The following AXL variants were observed in gnomAD, a reference collection of about 807,000 sequenced individuals.
AXL encodes the protein tyrosine-protein kinase receptor UFO.
In AXL, 52 loss-of-function variants were observed where a neutral mutation model predicts 104.5. That is an observed-to-expected ratio of 0.50 (90% CI 0.40 to 0.63). The LOEUF (loss-of-function observed/expected upper bound fraction) is 0.63, where lower values mean the gene tolerates loss of function less well. AXL is among the 20% of genes least tolerant of loss of function. AXL has a pLI of 0.00. For synonymous variants in AXL, 455 were observed against 473.7 expected, an observed-to-expected ratio of 0.96 and a Z score of 0.51; for missense variants, 1,024 against 1,188.5, an observed-to-expected ratio of 0.86 and a Z score of 2.04.
chr19:41,256,656 G>T, intron 18 of AXL, 45 bp downstream of exon 18: 2 of 1,603,240 alleles, frequency 1.2e-6, no homozygotes, highest in Non-Finnish European at 1.7e-6. Context: ...GGAGGGCATG[G>T]CCTGACCATC....
intron 14 of AXL, among the ~76,000 whole-genome samples, chr19:41,249,527 G>A (rs763276587): frequency 1.3e-5 from 2 of 151,964 alleles, no homozygotes; most frequent in Non-Finnish European, 2.9e-5. Flanking sequence ...AGGCCAAGGC[G>A]GGTGGATCAC....
chr19:41,230,282 G>A (rs1177624512), intron 4 of AXL, among the ~76,000 whole-genome samples: 1 of 151,102 alleles, frequency 6.6e-6, no homozygotes, highest in East Asian at 2.0e-4. Flanking sequence ...GTGTGAGCAT[G>A]TGTGTGTATG....
chr19:41,219,318 G>A lies in AXL; in HGVS notation c.-75G>A. ...AATCCGGGGAGCCTGGAGCTGGGGGGAGGGCCGGGGACAGCCCGGCCCTGC... is the reference window on the plus strand; with the variant it reads ...AATCCGGGGAGCCTGGAGCTGGGGGAAGGGCCGGGGACAGCCCGGCCCTGC... On this transcript the variant is annotated 5_prime_UTR_variant, in exon 1 of 20. Transcript: ENST00000301178. 2.9e-6 allele frequency: 4 copies of A among 1,389,204 alleles called. No individual in the cohort carries two copies. The highest frequency in any genetic ancestry group is 2.9e-6 in the Non-Finnish European group (3 of 1,025,496). 86.1% of individuals were successfully genotyped at this position (1,389,204 alleles called of 1,614,324 possible). A position where few individuals can be genotyped will look rare whatever the true frequency, so the allele number is the denominator to read the frequency against.
At chr19:41,248,866 C>T in intron 14 of AXL, 46 bp downstream of exon 14, 2 of 1,530,820 alleles carry the variant, frequency 1.3e-6, no homozygotes, top group Admixed American at 2.0e-5. Context: ...CTTCCCTATG[C>T]CCCTGAGACA....
intron 6 of AXL, among the ~76,000 whole-genome samples, chr19:41,236,103 G>A (rs2034073981): frequency 6.6e-6 from 1 of 151,568 alleles, no homozygotes; most frequent in Non-Finnish European, 1.5e-5. Context: ...GGCCGAGGGG[G>A]GCGGATCACT....
chr19:41,236,794 A>G (rs534601911), intron 6 of AXL, among the ~76,000 whole-genome samples: 79 of 152,120 alleles, frequency 5.2e-4, no homozygotes, highest in Non-Finnish European at 9.1e-4. Context: ...AGGAAAAAAA[A>G]AAAAAAAGAA....
chr19:41,238,551 C>T lies in AXL; in HGVS notation c.1076C>T (p.Pro359Leu). The change falls in exon 8 of 20, where the codon CCC becomes CTC. Residue 359 changes from proline to leucine, a missense_variant. Pro to Leu is a moderately conservative substitution (Grantham distance 98, BLOSUM62 -3). This residue lies in a region of AXL where 332 missense variants were observed against 343.9 expected (regional missense o/e 0.97). Transcript: ENST00000301178. ...GTGCATTGGCAAGAGCCCCGGGCGC[C>T]CCTGCAGGGTACCCTGTTAGGGTAC... ...AFVHWQEPRA[P>L]LQGTLLGYRL... 1 of 1,613,976 alleles carries T rather than the reference C, an allele frequency of 6.2e-7. No individual in the cohort carries two copies. Among genetic ancestry groups the T allele is most frequent in the Non-Finnish European group, 8.5e-7 (1 of 1,179,928 alleles).
At chr19:41,242,846 G>A in intron 10 of AXL, 37 bp from the exon 11 acceptor site, 2 of 1,612,576 alleles carry the variant, frequency 1.2e-6, no homozygotes, top group Non-Finnish European at 1.7e-6. Context: ...TGGATCCAAG[G>A]CTTCATCCAT....
chr19:41,239,789 C>G (rs2034149523), intron 10 of AXL, 69 bp downstream of exon 10: 1 of 1,566,110 alleles, frequency 6.4e-7, no homozygotes, highest in Admixed American at 1.7e-5. Flanking sequence ...TGTCACCATG[C>G]ATACTCATTG....
intron 12 of AXL, among the ~76,000 whole-genome samples, chr19:41,244,125 G>A (rs1456983647): frequency 6.6e-6 from 1 of 151,858 alleles, no homozygotes; most frequent in African/African-American, 2.4e-5. Context: ...GATCACCTGA[G>A]CCCAGGGAGG....
In AXL at chr19:41,238,567, G is replaced by A. The variant is rs2034125031; in HGVS notation, c.1092G>A (p.Leu364=). The part of the protein sequence containing the change: ...QEPRAPLQGT[L]LGYRLAYQGQ... ...CCCGGGCGCCCCTGCAGGGTACCCT[G>A]TTAGGGTACCGGCTGGCGTATCAAG... The change falls in exon 8 of 20, where the codon CTG becomes CTA. Residue 364 remains leucine, a synonymous_variant. Coordinates refer to ENST00000301178, the MANE Select transcript of AXL (RefSeq NM_021913.5). The A allele has an allele frequency of 6.2e-7, 1 of 1,613,538 alleles. No individual in the cohort carries two copies. The highest frequency in any genetic ancestry group is 1.3e-5 in the African/African-American group (1 of 74,916).
chr19:41,246,785 C>A (rs2034279001), intron 12 of AXL, among the ~76,000 whole-genome samples: 1 of 152,108 alleles, frequency 6.6e-6, no homozygotes, highest in Admixed American at 6.6e-5. Context: ...CAACTCCAGG[C>A]CTCAACTGGT....
intron 14 of AXL, among the ~76,000 whole-genome samples, chr19:41,249,663 G>A (rs1004003944): frequency 6.6e-6 from 1 of 152,016 alleles, no homozygotes; most frequent in African/African-American, 2.4e-5. Context: ...GGCTGAGGCA[G>A]GAGAATCGCT....
At chr19:41,254,123 T>C (rs1407098486) in intron 17 of AXL, among the ~76,000 whole-genome samples, 2 of 151,294 alleles carry the variant, frequency 1.3e-5, no homozygotes, top group Non-Finnish European at 2.9e-5. Flanking sequence ...ATATGCCAGA[T>C]GGGGTGCAGT....
intron 4 of AXL, among the ~76,000 whole-genome samples, chr19:41,223,422 G>C (rs895806207): frequency 1.3e-5 from 2 of 152,230 alleles, no homozygotes; most frequent in African/African-American, 4.8e-5. Flanking sequence ...GGGTTATGCA[G>C]TGGTCAGGGG....
intron 4 of AXL, among the ~76,000 whole-genome samples, chr19:41,228,505 G>A (rs1465920164): frequency 6.6e-6 from 1 of 152,152 alleles, no homozygotes; most frequent in Non-Finnish European, 1.5e-5. Flanking sequence ...AGTGAGCCAA[G>A]ATCATGCCAC....
At chr19:41,251,278 T>C (rs887648245) in intron 14 of AXL, among the ~76,000 whole-genome samples, 1 of 151,788 alleles carries the variant, frequency 6.6e-6, no homozygotes, top group Non-Finnish European at 1.5e-5. Flanking sequence ...TCTCAAAAAA[T>C]TGGCTGGGCA....
At chr19:41,220,121 C>T (rs922582032) in intron 1 of AXL, among the ~76,000 whole-genome samples, 4 of 151,962 alleles carry the variant, frequency 2.6e-5, no homozygotes, top group Admixed American at 2.0e-4. Context: ...CCTCCGCCCC[C>T]ACCTTTTCTT....
intron 2 of AXL, 33 bp downstream of exon 2, chr19:41,220,891 C>T (rs1306135367): frequency 2.5e-6 from 4 of 1,605,986 alleles, no homozygotes; most frequent in African/African-American, 2.7e-5. Flanking sequence ...CCCACTCCCA[C>T]CTCCGTCACA....
Sources: allele counts gnomAD v4.1 joint callset (sites outside exome capture counted in the v4.1 genomes callset), GRCh38; gene constraint gnomAD v4.1.1; regional missense constraint gnomAD v4.1.1; transcripts MANE v1.5; gene names NCBI Gene and HGNC (gene_info 2026-07-23, HGNC 2026-07-21).